The following FAM186A variants were observed in gnomAD, a reference collection of about 807,000 sequenced individuals.
FAM186A encodes the protein family with sequence similarity 186 member A, also known as protein FAM186A.
In FAM186A, 163 loss-of-function variants were observed where a neutral mutation model predicts 216.8. The ratio of observed to expected loss-of-function variants is 0.75; its 90% CI spans 0.66 to 0.86. FAM186A has a LOEUF of 0.86. FAM186A is among the 40% of genes least tolerant of loss of function. The probability of loss-of-function intolerance (pLI) is 0.00; values close to 1 mark genes in which losing one functional copy is unlikely to be tolerated. For synonymous variants in FAM186A, 805 were observed against 1,025.3 expected, an observed-to-expected ratio of 0.79 and a Z score of 4.10; for missense variants, 2,184 against 2,746.2, an observed-to-expected ratio of 0.80 and a Z score of 4.58.
rs1029203574 is a variant in FAM186A, at chr12:50,327,383, T to A, written c.7056A>T (p.Ter2352CysextTer2). 6.5e-7 allele frequency: 1 copy of A among 1,546,796 alleles called. No homozygotes were observed. Among genetic ancestry groups the A allele is most frequent in the Non-Finnish European group, 8.7e-7 (1 of 1,143,478 alleles). ...LQSRVKKIPK[*>C] ...AACATGCTTGTATTTAATTTTACAG[T>A]CATTTGGGAATCTTCTTAACCCTGG... Residue 2352 changes from the stop codon to cysteine (C), a stop_lost, in exon 8 of 8, where the codon TGA becomes TGT. Transcript: ENST00000327337.
At chr12:50,360,114 G>T (rs2136096292) in intron 3 of FAM186A, among the ~76,000 whole-genome samples, 1 of 150,980 alleles carries the variant, frequency 6.6e-6, no homozygotes, top group African/African-American at 2.4e-5. Flanking sequence ...CGTGGTGGCA[G>T]GTGCCTGTAA....
rs1942867258 is a variant in FAM186A at position 50,350,678 on chromosome 12, T to C, written c.6154A>G (p.Thr2052Ala). Residue 2052 changes from threonine (T) to alanine (A), a missense_variant, in exon 4 of 8, where the codon ACT becomes GCT. By Grantham distance (58) the Thr-to-Ala change is moderately conservative (BLOSUM62 0). This residue lies in a region of FAM186A where 721 missense variants were observed against 816.4 expected (regional missense o/e 0.88). Coordinates refer to ENST00000327337, the MANE Select transcript of FAM186A (RefSeq NM_001145475.3). The part of the protein sequence containing the change: ...KPTTSPSSLT[T>A]LLRTSQISPL... ...GAAATCTGTGATGTTCTGAGTAGAG[T>C]AGTGAGAGAAGATGGTGATGTTGTT... 1 of 1,551,134 alleles carries C rather than the reference T, an allele frequency of 6.4e-7. No homozygotes were observed. The highest frequency in any genetic ancestry group is 8.7e-7 in the Non-Finnish European group (1 of 1,146,916).
chr12:50,359,706 A>G (rs1206949731), intron 3 of FAM186A, among the ~76,000 whole-genome samples: 3 of 152,234 alleles, frequency 2.0e-5, no homozygotes, highest in Non-Finnish European at 4.4e-5. Context: ...TAAACTAACA[A>G]TGAAAAGAAA....
intron 2 of FAM186A, among the ~76,000 whole-genome samples, chr12:50,362,262 C>T (rs943035330): frequency 2.0e-5 from 3 of 152,048 alleles, no homozygotes; most frequent in African/African-American, 2.4e-5. Flanking sequence ...CGTGAGCCAC[C>T]GCACCTGGCC....
intron 1 of FAM186A, among the ~76,000 whole-genome samples, chr12:50,377,551 G>A (rs1014332133): frequency 6.6e-6 from 1 of 152,140 alleles, no homozygotes; most frequent in Non-Finnish European, 1.5e-5. Flanking sequence ...TACAACACAA[G>A]GCCAGGCGCA....
chr12:50,346,237 A>AAAAG lies in FAM186A; in HGVS notation c.6503+4088_6503+4091dup, dbSNP rs1555215380. ...AGAGAGAAGGAAAGAAAGAAAGAAA[A>AAAAG]AAAGAAAGAAAGAAAGAAAGAAAGA... On this transcript the variant is annotated intron_variant, in intron 4 of 7. Coordinates refer to ENST00000327337, the MANE Select transcript of FAM186A (RefSeq NM_001145475.3). 4.8e-4 allele frequency among the ~76,000 whole-genome samples: 49 copies of AAAAG among 102,252 alleles called. 3 individuals carry two copies. Among genetic ancestry groups the AAAAG allele is most frequent in the African/African-American group, 1.5e-3 (44 of 29,688 alleles). 67.1% of individuals were successfully genotyped at this position (102,252 alleles called of 152,430 possible).
chr12:50,352,579 T>A lies in FAM186A; in HGVS notation c.4253A>T (p.Glu1418Val), dbSNP rs567893686. 11 of 1,451,834 alleles carry A rather than the reference T, an allele frequency of 7.6e-6. No individual in the cohort carries two copies. In the Admixed American group the frequency reaches 2.3e-4, roughly 31 times the overall value. 89.9% of individuals were successfully genotyped at this position (1,451,834 alleles called of 1,614,324 possible). ...CTGAGGGGTGAAAGGGATCCCCAAT[T>A]CCTGAGCCTGCTGAGGGGTGAGAGG... ...GIPLTPQQAQ[E>V]LGIPFTPQQA... is the part of the protein sequence containing the mutation. Residue 1418 changes from glutamate (E) to valine (V), a missense_variant, in exon 4 of 8, where the codon GAA (glutamate) becomes GTA (valine). Coordinates refer to ENST00000327337, the MANE Select transcript of FAM186A (RefSeq NM_001145475.3).
chr12:50,330,743 C>G lies in FAM186A; in HGVS notation c.6864G>C (p.Gln2288His), dbSNP rs762595741. Residue 2288 changes from glutamine (Q) to histidine (H), a missense_variant, in exon 7 of 8, where the codon CAG becomes CAC. Physicochemically the swap from Gln to His is conservative, Grantham distance 24. Around this residue, in one of 7 missense-constraint regions of FAM186A, gnomAD observed 721 missense variants for 816.4 expected, o/e 0.88. Coordinates refer to ENST00000327337, the MANE Select transcript of FAM186A (RefSeq NM_001145475.3). Reference protein sequence around the residue: ...ICKKFRQQEDQTEAIWNVDLS... With the variant: ...ICKKFRQQEDHTEAIWNVDLS... ...GATCAACATTCCAGATGGCCTCTGT[C>G]TGGTCCTCTTGTTGCCTACAGAATC... 1 of 1,525,686 alleles carries G rather than the reference C, an allele frequency of 6.6e-7. No homozygotes were observed. The highest frequency in any genetic ancestry group is 2.5e-5 in the East Asian group (1 of 40,200). 94.5% of individuals were successfully genotyped at this position (1,525,686 alleles called of 1,614,324 possible).
At chr12:50,331,605 C>T in intron 6 of FAM186A, 65 bp downstream of exon 6, 4 of 1,430,212 alleles carry the variant, frequency 2.8e-6, no homozygotes, top group Non-Finnish European at 2.8e-6. Flanking sequence ...AGTTCTTGGG[C>T]AGGGAAAAAA....
At chr12:50,388,164 C>T (rs78973091) in intron 1 of FAM186A, among the ~76,000 whole-genome samples, 2,590 of 152,228 alleles carry the variant, frequency 0.017, 33 homozygotes, top group Non-Finnish European at 0.027. Context: ...GGTTGAAAGT[C>T]CCAACCCTCT....
intron 4 of FAM186A, among the ~76,000 whole-genome samples, chr12:50,343,527 C>T (rs1488158018): frequency 6.6e-6 from 1 of 152,160 alleles, no homozygotes; most frequent in Non-Finnish European, 1.5e-5. Flanking sequence ...ACCTCCGTCT[C>T]CCGGGCTCAA....
At chr12:50,358,530 C>T (rs566417100) in intron 3 of FAM186A, among the ~76,000 whole-genome samples, 1 of 152,042 alleles carries the variant, frequency 6.6e-6, no homozygotes, top group South Asian at 2.1e-4. Context: ...CGGCAGTGTA[C>T]TATTATTGTA....
In FAM186A at chr12:50,350,403, T is replaced by C. The variant is rs886224497; in HGVS notation, c.6429A>G (p.Ile2143Met). Reference protein sequence around the residue: ...HTMARTLIIEILHMDTVQLGY... With the variant: ...HTMARTLIIEMLHMDTVQLGY... ...CCAACTGAACTGTGTCCATATGAAGTATCTCAATTATGAGAGTCCTAGCCA... is the reference window on the plus strand; with the variant it reads ...CCAACTGAACTGTGTCCATATGAAGCATCTCAATTATGAGAGTCCTAGCCA... Residue 2143 changes from isoleucine to methionine, a missense_variant, in exon 4 of 8, where the codon ATA (isoleucine) becomes ATG (methionine). Transcript: ENST00000327337. 6.4e-7 allele frequency: 1 copy of C among 1,551,464 alleles called. No homozygotes were observed. The highest frequency in any genetic ancestry group is 2.0e-5 in the Admixed American group (1 of 50,910).
chr12:50,349,920 G>A (rs1250056114), intron 4 of FAM186A, among the ~76,000 whole-genome samples: 1 of 152,110 alleles, frequency 6.6e-6, no homozygotes, highest in Non-Finnish European at 1.5e-5. Flanking sequence ...CCAAAGTGCT[G>A]GGATTACAGG....
intron 1 of FAM186A, among the ~76,000 whole-genome samples, chr12:50,372,421 C>T (rs927976663): frequency 3.5e-5 from 5 of 142,752 alleles, no homozygotes; most frequent in Admixed American, 7.1e-5. Context: ...GTGAAACCCC[C>T]GTCTCTACTA....
chr12:50,334,219 G>A, intron 4 of FAM186A, 116 bp from the exon 5 acceptor site: 2 of 903,398 alleles, frequency 2.2e-6, no homozygotes, highest in South Asian at 1.9e-5. Flanking sequence ...TGCCCAGGCT[G>A]GAGGTGCAAT....
chr12:50,380,939 T>A (rs1943249197), intron 1 of FAM186A, among the ~76,000 whole-genome samples: 1 of 151,634 alleles, frequency 6.6e-6, no homozygotes, highest in African/African-American at 2.4e-5. Flanking sequence ...ACTGTGCACA[T>A]CCAGGCATGC....
At chr12:50,345,114 T>C (rs1942800040) in intron 4 of FAM186A, among the ~76,000 whole-genome samples, 1 of 151,836 alleles carries the variant, frequency 6.6e-6, no homozygotes, top group African/African-American at 2.4e-5. Flanking sequence ...TAGCCAGGGG[T>C]GGGCAACAAG....
chr12:50,394,552 C>CA (rs939935514), intron 1 of FAM186A, among the ~76,000 whole-genome samples: 47 of 143,510 alleles, frequency 3.3e-4, no homozygotes, highest in South Asian at 4.4e-4. Flanking sequence ...TAGTCTGCCT[C>CA]AAAAAAAAAA....
Sources: allele counts gnomAD v4.1 joint callset (sites outside exome capture counted in the v4.1 genomes callset), GRCh38; gene constraint gnomAD v4.1.1; regional missense constraint gnomAD v4.1.1; transcripts MANE v1.5; gene names NCBI Gene and HGNC (gene_info 2026-07-23, HGNC 2026-07-21).